LCLAT1: variants seen among roughly 807,000 people sequenced by gnomAD.
The protein encoded by LCLAT1 is 1-AGP acyltransferase 8.
Under a neutral mutation model 30.7 loss-of-function variants are expected in LCLAT1, and 11 were observed. The observed-to-expected ratio is 0.36, with a 90% CI of 0.23 to 0.59. LCLAT1 has a LOEUF of 0.59. Ranked by LOEUF, LCLAT1 falls within the 20% of genes least tolerant of loss-of-function variation. The pLI, the probability that LCLAT1 is intolerant of heterozygous loss-of-function variation, is 0.77. For missense variants in LCLAT1, 402 were observed against 458.6 expected (o/e 0.88, Z 1.13); for synonymous variants, 155 against 151.3 (o/e 1.02, Z -0.18).
intron 1 of LCLAT1, among the ~76,000 whole-genome samples, chr2:30,454,816 T>C (rs1383704877): frequency 1.3e-5 from 2 of 152,210 alleles, no homozygotes; most frequent in African/African-American, 4.8e-5. Context: ...GGAAGAATTA[T>C]GTTTGCTTTG....
At chr2:30,463,863 T>G (rs1051476036) in intron 1 of LCLAT1, among the ~76,000 whole-genome samples, 2 of 152,242 alleles carry the variant, frequency 1.3e-5, no homozygotes, top group Non-Finnish European at 2.9e-5. Context: ...ATGCCATAAT[T>G]TAACCATTTC....
intron 1 of LCLAT1, among the ~76,000 whole-genome samples, chr2:30,516,130 A>G (rs1379121596): frequency 6.6e-6 from 1 of 152,232 alleles, no homozygotes; most frequent in Non-Finnish European, 1.5e-5. Flanking sequence ...GTAAAGAAAT[A>G]GTCATCTATC....
chr2:30,511,861 C>G (rs941844960), intron 1 of LCLAT1, among the ~76,000 whole-genome samples: 2 of 152,254 alleles, frequency 1.3e-5, no homozygotes, highest in Non-Finnish European at 2.9e-5. Flanking sequence ...CTGCCCCTCA[C>G]TCATTACCTA....
At chr2:30,599,052 G>T (rs980168270) in intron 5 of LCLAT1, among the ~76,000 whole-genome samples, 2 of 151,246 alleles carry the variant, frequency 1.3e-5, no homozygotes, top group East Asian at 1.9e-4. Context: ...GCGTGATCTC[G>T]GCTCACTGCA....
intron 5 of LCLAT1, among the ~76,000 whole-genome samples, chr2:30,621,880 A>C (rs1668268091): frequency 6.6e-6 from 1 of 152,168 alleles, no homozygotes; most frequent in African/African-American, 2.4e-5. Context: ...AACAACTTTG[A>C]TGGAATGTGA....
intron 2 of LCLAT1, among the ~76,000 whole-genome samples, chr2:30,532,276 C>G (rs1351417391): frequency 6.6e-6 from 1 of 152,066 alleles, no homozygotes; most frequent in Non-Finnish European, 1.5e-5. Flanking sequence ...ATACCTTGTT[C>G]AAGATTATCA....
At chr2:30,560,948 T>G (rs937852400) in intron 3 of LCLAT1, among the ~76,000 whole-genome samples, 13 of 152,250 alleles carry the variant, frequency 8.5e-5, no homozygotes, top group Admixed American at 3.9e-4. Flanking sequence ...ATGCTTTTAT[T>G]TATTCTTTTT....
intron 5 of LCLAT1, chr2:30,607,810 T>C (rs1667524844): frequency 6.7e-6 from 1 of 149,368 alleles, no homozygotes; most frequent in Non-Finnish European, 1.5e-5. Context: ...GTGAAGACAG[T>C]GATATTGATG....
At chr2:30,639,270 A>C (rs574547611) in intron 5 of LCLAT1, among the ~76,000 whole-genome samples, 1 of 152,162 alleles carries the variant, frequency 6.6e-6, no homozygotes, top group East Asian at 1.9e-4. Context: ...CATAAGGTCT[A>C]TTTAGGCCTT....
chr2:30,480,501 A>G (rs2148309014), intron 1 of LCLAT1, among the ~76,000 whole-genome samples: 1 of 152,250 alleles, frequency 6.6e-6, no homozygotes, highest in East Asian at 1.9e-4. Flanking sequence ...GGCCTATACT[A>G]GCTTTTGAAT....
intron 1 of LCLAT1, among the ~76,000 whole-genome samples, chr2:30,480,654 T>C (rs1396692481): frequency 6.6e-6 from 1 of 152,124 alleles, no homozygotes; most frequent in African/African-American, 2.4e-5. Flanking sequence ...TTGGGAGGCC[T>C]AGGCGAGGGG....
intron 5 of LCLAT1, among the ~76,000 whole-genome samples, chr2:30,628,468 CAGG>C (rs1396649782): frequency 1.3e-5 from 2 of 152,002 alleles, no homozygotes; most frequent in African/African-American, 4.8e-5. Context: ...ACAGTTGTTC[CAGG>C]AGAAGCCAAG....
intron 1 of LCLAT1, among the ~76,000 whole-genome samples, chr2:30,457,954 G>C (rs866078856): frequency 6.6e-6 from 1 of 151,926 alleles, no homozygotes; most frequent in African/African-American, 2.4e-5. Context: ...ATAGTACCTC[G>C]TATAACATAA....
chr2:30,503,506 A>C, intron 1 of LCLAT1, among the ~76,000 whole-genome samples: 1 of 152,204 alleles, frequency 6.6e-6, no homozygotes, highest in East Asian at 1.9e-4. Flanking sequence ...GGTGGAGTAT[A>C]CTAGAGTTAC....
chr2:30,486,994 C>G (rs1301308583), intron 1 of LCLAT1, among the ~76,000 whole-genome samples: 1 of 152,206 alleles, frequency 6.6e-6, no homozygotes, highest in Non-Finnish European at 1.5e-5. Flanking sequence ...TAGTTCCTGA[C>G]TATGCTAGTT....
intron 5 of LCLAT1, among the ~76,000 whole-genome samples, chr2:30,578,797 G>C (rs903430104): frequency 1.3e-5 from 2 of 152,108 alleles, no homozygotes; most frequent in African/African-American, 4.8e-5. Context: ...GTAATCCATA[G>C]TGCCTAAAAA....
intron 1 of LCLAT1, among the ~76,000 whole-genome samples, chr2:30,467,166 A>T (rs1391659679): frequency 2.6e-5 from 4 of 151,146 alleles, no homozygotes; most frequent in Non-Finnish European, 5.9e-5. Context: ...TTCAATTCCC[A>T]CCTATGAGTG....
At position 30,556,801 on chromosome 2, in the gene LCLAT1, A is replaced by G. The variant is rs940858172; in HGVS notation, c.365-5345A>G. 4.2e-5 allele frequency among the ~76,000 whole-genome samples: 6 copies of G among 144,128 alleles called. No individual in the cohort carries two copies. In the Admixed American group the frequency reaches 4.3e-4, roughly 10 times the overall value. The allele number at this position is 144,128 out of a possible 152,430, so 94.6% of individuals were successfully genotyped here. On this transcript the variant is annotated intron_variant, in intron 3 of 5. Coordinates refer to ENST00000379509, the MANE Select transcript of LCLAT1 (RefSeq NM_001002257.3). ...GCTCTTGTTGCCCAGGCTGGAGTGC[A>G]GTGGCACGATCTCGGCGCACTGCAA... is the stretch of plus-strand genomic sequence containing the variant.
chr2:30,500,072 A>G (rs1684300866), intron 1 of LCLAT1, among the ~76,000 whole-genome samples: 1 of 152,194 alleles, frequency 6.6e-6, no homozygotes, highest in African/African-American at 2.4e-5. Context: ...AATAAGTGAA[A>G]GAAAACACCC....
Sources: gnomAD v4.1 joint callset for allele counts (sites outside exome capture counted in the v4.1 genomes callset) on GRCh38, gnomAD v4.1.1 for gene constraint, MANE v1.5 for transcripts, NCBI Gene and HGNC (gene_info 2026-07-23, HGNC 2026-07-21) for gene names.